RC3H2: variants seen among roughly 807,000 people sequenced by gnomAD.
The protein encoded by RC3H2 is ring finger and CCCH-type domains 2, also known as roquin-2.
Under a neutral mutation model 133.3 loss-of-function variants are expected in RC3H2, and 31 were observed. That is an observed-to-expected ratio of 0.23 (90% confidence interval 0.17 to 0.31). RC3H2 has a LOEUF of 0.31. RC3H2 is among the 10% of genes least tolerant of loss of function. RC3H2 has a pLI of 1.00. For synonymous variants in RC3H2, 517 were observed against 502.2 expected, an observed-to-expected ratio of 1.03 and a Z score of -0.40; for missense variants, 1,175 against 1,437.2, an observed-to-expected ratio of 0.82 and a Z score of 2.95.
intron 9 of RC3H2, among the ~76,000 whole-genome samples, chr9:122,868,450 C>A (rs1320138144): frequency 2.0e-5 from 3 of 151,656 alleles, no homozygotes; most frequent in Admixed American, 6.6e-5. Flanking sequence ...ACCCCCAACC[C>A]TGTGCTCTCT....
At chr9:122,852,749 G>C (rs1251095209) in intron 18 of RC3H2, among the ~76,000 whole-genome samples, 2 of 150,152 alleles carry the variant, frequency 1.3e-5, no homozygotes, top group Non-Finnish European at 3.0e-5. Context: ...CCCCGTCCGG[G>C]AGGGAGGTGG....
At chr9:122,896,370 A>G (rs934017794) in intron 2 of RC3H2, among the ~76,000 whole-genome samples, 2 of 152,176 alleles carry the variant, frequency 1.3e-5, no homozygotes, top group African/African-American at 2.4e-5. Flanking sequence ...ACAACAAAAA[A>G]ACCTGTTTCT....
intron 4 of RC3H2, chr9:122,890,074 G>A (rs543082661): frequency 6.7e-5 from 40 of 595,320 alleles, no homozygotes; most frequent in Non-Finnish European, 1.0e-4. Context: ...CATGGATGTC[G>A]AGGCTGCAGT....
chr9:122,904,466 T>C (rs1832765583), intron 1 of RC3H2, among the ~76,000 whole-genome samples: 2 of 152,188 alleles, frequency 1.3e-5, no homozygotes, highest in Non-Finnish European at 2.9e-5. Context: ...ACCATTCTTC[T>C]AAGATGGTGG....
At chr9:122,897,656 C>T in intron 1 of RC3H2, 80 bp from the exon 2 acceptor site, 1 of 921,932 alleles carries the variant, frequency 1.1e-6, no homozygotes, top group Non-Finnish European at 1.6e-6. Flanking sequence ...TCAACTATTA[C>T]AGCTTCAGAC....
chr9:122,865,421 A>G lies in RC3H2; in HGVS notation c.1562T>C (p.Val521Ala). The G allele has an allele frequency of 1.9e-6, 3 of 1,614,156 alleles. No homozygotes were observed. The highest frequency in any genetic ancestry group is 1.7e-6 in the Non-Finnish European group (2 of 1,180,022). Reference sequence around the variant, plus strand: ...AGCGCCAACCTTTCCCACTTTCTTCACGGTCTCCAGAGCTCTTAAGGTACT... The same window carrying G: ...AGCGCCAACCTTTCCCACTTTCTTCGCGGTCTCCAGAGCTCTTAAGGTACT... ...TDSTLRALET[V>A]KKVGKVGANG... Residue 521 changes from valine (V) to alanine (A), a missense_variant, in exon 10 of 21, where the codon GTG (valine) becomes GCG (alanine). Coordinates refer to ENST00000357244, the MANE Select transcript of RC3H2 (RefSeq NM_001100588.3).
chr9:122,901,094 C>T (rs1347013552), intron 1 of RC3H2, among the ~76,000 whole-genome samples: 1 of 152,200 alleles, frequency 6.6e-6, no homozygotes, highest in African/African-American at 2.4e-5. Context: ...TTCAGGTCTA[C>T]GGCATCTGAT....
rs1330707259 is a variant in RC3H2 at position 122,846,827 on chromosome 9, A to G, written c.*2800T>C. On this transcript the variant is annotated 3_prime_UTR_variant, in exon 21 of 21. Transcript: ENST00000357244. Reference sequence around the variant, plus strand: ...TCATATCCTAGGTCTGATTTGTAACATTTTCCTCGATGATATCAGTAGGTA... The same window carrying G: ...TCATATCCTAGGTCTGATTTGTAACGTTTTCCTCGATGATATCAGTAGGTA... The G allele has an allele frequency of 6.6e-6, 1 of 152,086 alleles. No homozygotes were observed. The highest frequency in any genetic ancestry group is 1.5e-5 in the Non-Finnish European group (1 of 67,990). 9.4% of individuals were successfully genotyped at this position (152,086 alleles called of 1,614,324 possible). A position where few individuals can be genotyped will look rare whatever the true frequency, so the allele number is the denominator to read the frequency against.
chr9:122,875,342 T>C (rs1292454908), intron 9 of RC3H2: 1 of 1,550,536 alleles, frequency 6.4e-7, no homozygotes, highest in South Asian at 1.2e-5. Flanking sequence ...GAGACAACAA[T>C]GAAGATATAG....
chr9:122,878,777 GTC>G, intron 8 of RC3H2, among the ~76,000 whole-genome samples: 1 of 147,744 alleles, frequency 6.8e-6, no homozygotes, highest in East Asian at 2.1e-4. Flanking sequence ...GGAGACAAGA[GTC>G]ACTCTGTCGC....
intron 1 of RC3H2, among the ~76,000 whole-genome samples, chr9:122,903,194 G>T (rs1459484069): frequency 6.6e-6 from 1 of 152,230 alleles, no homozygotes; most frequent in Non-Finnish European, 1.5e-5. Flanking sequence ...TAAAATTAGA[G>T]ACGCTGATCA....
At chr9:122,864,600 G>A (rs939249680) in intron 10 of RC3H2, among the ~76,000 whole-genome samples, 2 of 151,942 alleles carry the variant, frequency 1.3e-5, no homozygotes, top group Non-Finnish European at 2.9e-5. Context: ...AAAGCCCAGA[G>A]AGTGTGGCTC....
intron 2 of RC3H2, among the ~76,000 whole-genome samples, chr9:122,895,993 T>C (rs1306545974): frequency 6.6e-6 from 1 of 151,876 alleles, no homozygotes; most frequent in Non-Finnish European, 1.5e-5. Context: ...TCTTTTTTTT[T>C]TCCCCCCTAA....
chr9:122,850,226 C>T (rs1369193707), intron 20 of RC3H2, among the ~76,000 whole-genome samples: 2 of 151,988 alleles, frequency 1.3e-5, no homozygotes, highest in African/African-American at 2.4e-5. Flanking sequence ...CCACCCGCCT[C>T]GGCCTCCCAA....
In RC3H2 at chr9:122,846,272, T is replaced by C. The variant is rs575796460; in HGVS notation, c.*3355A>G. 6.6e-6 allele frequency: 1 copy of C among 152,298 alleles called. No individual in the cohort carries two copies. The highest frequency in any genetic ancestry group is 2.1e-4 in the South Asian group (1 of 4,826). The allele number at this position is 152,298 out of a possible 1,614,324, so 9.4% of individuals were successfully genotyped here. ...GTTCTTGTATAGGAAATTTCTTTTA[T>C]TATCCTCTTACTAGAATAAATAGCT... On this transcript the variant is annotated 3_prime_UTR_variant, in exon 21 of 21. Coordinates refer to ENST00000357244, the MANE Select transcript of RC3H2 (RefSeq NM_001100588.3).
chr9:122,871,061 T>C (rs1186986068), intron 9 of RC3H2, among the ~76,000 whole-genome samples: 1 of 152,112 alleles, frequency 6.6e-6, no homozygotes. Flanking sequence ...ACCACGAAAA[T>C]AGATGAAAGC....
chr9:122,861,806 C>A, intron 10 of RC3H2, among the ~76,000 whole-genome samples: 1 of 152,110 alleles, frequency 6.6e-6, no homozygotes, highest in African/African-American at 2.4e-5. Context: ...ATGTTTACTT[C>A]TATGTGTAAC....
chr9:122,865,534 A>G lies in RC3H2; in HGVS notation c.1449T>C (p.Thr483=), dbSNP rs1280121531. Residue 483 remains threonine, a synonymous_variant, in exon 10 of 21, where the codon ACT becomes ACC. Transcript: ENST00000357244. The part of the protein sequence containing the change: ...AGNVISVIGS[T]ETTGKIVPST... ...TTGGAACAATTTTCCCTGTTGTTTCAGTACTTCCTATGACAGAAATGACAT... is the reference window on the plus strand; with the variant it reads ...TTGGAACAATTTTCCCTGTTGTTTCGGTACTTCCTATGACAGAAATGACAT... 1.2e-6 allele frequency: 2 copies of G among 1,614,206 alleles called. No individual in the cohort carries two copies. Among genetic ancestry groups the G allele is most frequent in the Admixed American group, 3.3e-5 (2 of 60,024 alleles).
chr9:122,868,635 A>G (rs1222939892), intron 9 of RC3H2, among the ~76,000 whole-genome samples: 3 of 151,640 alleles, frequency 2.0e-5, no homozygotes, highest in Non-Finnish European at 4.4e-5. Context: ...GCCTAGGAAA[A>G]CCAGAGACCT....
Sources: allele counts gnomAD v4.1 joint callset (sites outside exome capture counted in the v4.1 genomes callset), GRCh38; gene constraint gnomAD v4.1.1; transcripts MANE v1.5; gene names NCBI Gene and HGNC (gene_info 2026-07-23, HGNC 2026-07-21).